Variants in DMD observed in about 807,000 individuals in gnomAD.
The protein encoded by DMD is dystrophin.
In DMD, 63 loss-of-function variants were observed where a neutral mutation model predicts 330.1. The ratio of observed to expected loss-of-function variants is 0.19; its 90% CI spans 0.16 to 0.24. The LOEUF is 0.24. DMD is among the 10% of genes least tolerant of loss of function. The pLI is 1.00. For missense variants in DMD, 3,344 were observed against 2,684.1 expected, an observed-to-expected ratio of 1.25 and a Z score of -5.43; for synonymous variants, 1,223 against 959.8, an observed-to-expected ratio of 1.27 and a Z score of -5.07.
intron 5 of DMD, among the ~76,000 whole-genome samples, chrX:32,818,273 A>T (rs1416919386): frequency 8.9e-6 from 1 of 111,997 alleles, no homozygotes; most frequent in African/African-American, 3.2e-5. Context: ...AAGGACAACA[A>T]AGTATTCAAT....
intron 41 of DMD, among the ~76,000 whole-genome samples, chrX:32,328,196 A>G (rs191297579): frequency 8.9e-6 from 1 of 111,868 alleles, no homozygotes; most frequent in African/African-American, 3.2e-5. Context: ...AGGACAGAAA[A>G]TGTAATACTT....
intron 1 of DMD, among the ~76,000 whole-genome samples, chrX:33,323,042 G>T (rs1273410805): frequency 9.0e-6 from 1 of 111,329 alleles, no homozygotes; most frequent in Non-Finnish European, 1.9e-5. Context: ...GCAAAACCCA[G>T]AACAAAGCCA....
At chrX:31,434,227 A>G (rs1454831001) in intron 60 of DMD, among the ~76,000 whole-genome samples, 3 of 111,357 alleles carry the variant, frequency 2.7e-5, no homozygotes, top group East Asian at 2.8e-4. Context: ...TAGTTATTCA[A>G]TTTACATACT....
intron 59 of DMD, among the ~76,000 whole-genome samples, chrX:31,468,910 T>C (rs777215048): frequency 5.4e-5 from 6 of 112,071 alleles, no homozygotes; most frequent in Admixed American, 9.5e-5. Flanking sequence ...CACTTTACCA[T>C]TATGTAATAC....
intron 1 of DMD, among the ~76,000 whole-genome samples, chrX:33,300,756 T>C (rs1300248975): frequency 1.8e-5 from 2 of 111,620 alleles, no homozygotes; most frequent in Non-Finnish European, 3.8e-5. Context: ...TAAGCCACCC[T>C]GTTTATGGTA....
intron 1 of DMD, among the ~76,000 whole-genome samples, chrX:33,139,239 A>C (rs1427723390): frequency 9.0e-6 from 1 of 111,713 alleles, no homozygotes; most frequent in Non-Finnish European, 1.9e-5. Context: ...TCCAGGCTGC[A>C]GTGAGTTACG....
chrX:32,288,543 C>A (rs1170839455), intron 42 of DMD, among the ~76,000 whole-genome samples: 1 of 111,685 alleles, frequency 9.0e-6, no homozygotes, highest in East Asian at 2.8e-4. Context: ...CTCTTTCCCC[C>A]CTACTGGATA....
intron 7 of DMD, among the ~76,000 whole-genome samples, chrX:32,713,952 G>A (rs776267453): frequency 1.2e-4 from 13 of 111,637 alleles, no homozygotes; most frequent in Non-Finnish European, 1.9e-4. Flanking sequence ...CTATACTTTG[G>A]CAAAACCATC....
chrX:32,000,893 C>T (rs980829091), intron 44 of DMD, among the ~76,000 whole-genome samples: 14 of 111,450 alleles, frequency 1.3e-4, no homozygotes, highest in Non-Finnish European at 2.3e-4. Flanking sequence ...GATAGAGAGA[C>T]GGCTTCTTTG....
intron 44 of DMD, among the ~76,000 whole-genome samples, chrX:32,012,627 T>C (rs966990902): frequency 1.8e-5 from 2 of 111,931 alleles, no homozygotes; most frequent in African/African-American, 6.5e-5. Context: ...AGCTAACTTC[T>C]TAATGCCAAG....
chrX:32,648,937 TA>T (rs1569387017), intron 9 of DMD, among the ~76,000 whole-genome samples: 1 of 111,378 alleles, frequency 9.0e-6, no homozygotes, highest in African/African-American at 3.3e-5. Context: ...ATAAGAAAGA[TA>T]GACCCCAATC....
chrX:33,054,591 C>T (rs988865847), intron 1 of DMD, among the ~76,000 whole-genome samples: 1 of 112,126 alleles, frequency 8.9e-6, no homozygotes, highest in Admixed American at 9.5e-5. Context: ...ACTAGTTATT[C>T]AGTTAAATTT....
rs147042784 is a variant in DMD, at chrX:31,986,378, C to T, written c.6439-17864G>A. Among the ~76,000 whole-genome samples the T allele has an allele frequency of 7.5e-3, 835 of 110,939 alleles. 6 individuals are homozygous for T. Among genetic ancestry groups the T allele is most frequent in the Non-Finnish European group, 0.012 (645 of 52,842 alleles). ...GTGTAAAACCCATTAAGAAGGCAAC[C>T]TATGGGAGAAAGACTATAGGTGCTT... is the stretch of plus-strand genomic sequence containing the variant. On this transcript the variant is annotated intron_variant, in intron 44 of 78. Coordinates refer to ENST00000357033, the MANE Select transcript of DMD (RefSeq NM_004006.3).
chrX:32,327,896 T>G lies in DMD; in HGVS notation c.5922+14204A>C, dbSNP rs1388742152. ...CCCACAATCTCCTTGTAAAAGCAGC[T>G]ACAACAGAAATAAAGTATTTTACCA... On this transcript the variant is annotated intron_variant, in intron 41 of 78. Coordinates refer to ENST00000357033, the MANE Select transcript of DMD (RefSeq NM_004006.3). 2.7e-5 allele frequency among the ~76,000 whole-genome samples: 3 copies of G among 111,866 alleles called. No individual in the cohort carries two copies. In the East Asian group the frequency reaches 8.4e-4, roughly 31 times the overall value.
chrX:32,373,538 C>A (rs2097888749), intron 34 of DMD, among the ~76,000 whole-genome samples: 3 of 111,875 alleles, frequency 2.7e-5, no homozygotes, highest in Non-Finnish European at 3.8e-5. Context: ...CTTCAATAGT[C>A]TTATGTACAG....
At chrX:32,719,969 C>CATATATAT (rs58382484) in intron 7 of DMD, among the ~76,000 whole-genome samples, 1 of 103,367 alleles carries the variant, frequency 9.7e-6, no homozygotes, top group Non-Finnish European at 2.0e-5. Context: ...TTCATTCATT[C>CATATATAT]ATATATATAT....
chrX:32,932,197 G>C (rs1239390552), intron 2 of DMD, among the ~76,000 whole-genome samples: 2 of 111,981 alleles, frequency 1.8e-5, no homozygotes, highest in Admixed American at 1.9e-4. Flanking sequence ...ATGAGATTTT[G>C]TAACCATAAG....
chrX:31,290,061 C>T (rs1341689528), intron 62 of DMD, among the ~76,000 whole-genome samples: 8 of 108,551 alleles, frequency 7.4e-5, no homozygotes, highest in African/African-American at 2.7e-4. Flanking sequence ...GCTGGGATTA[C>T]AGGTGCACGC....
intron 17 of DMD, among the ~76,000 whole-genome samples, chrX:32,520,662 A>G (rs1016147742): frequency 5.4e-5 from 6 of 111,260 alleles, no homozygotes; most frequent in African/African-American, 1.6e-4. Context: ...CCTGATCCCT[A>G]TATTTGTGCC....
Sources: allele counts gnomAD v4.1 joint callset (sites outside exome capture counted in the v4.1 genomes callset), GRCh38; gene constraint gnomAD v4.1.1; transcripts MANE v1.5; gene names NCBI Gene and HGNC (gene_info 2026-07-23, HGNC 2026-07-21).